PDE4D: variants seen among roughly 807,000 people sequenced by gnomAD.
PDE4D encodes phosphodiesterase 4D.
A neutral mutation model predicts 87.4 loss-of-function variants in PDE4D; 24 were observed. The ratio of observed to expected loss-of-function variants is 0.27; its 90% CI spans 0.20 to 0.39. The LOEUF is 0.39. Among genes scored for constraint, PDE4D ranks in the 10% least tolerant of loss-of-function variants. The probability of loss-of-function intolerance (pLI) is 1.00; values close to 1 mark genes in which losing one functional copy is unlikely to be tolerated. For missense variants in PDE4D, 714 were observed against 1,041.0 expected, an observed-to-expected ratio of 0.69 and a Z score of 4.32; for synonymous variants, 384 against 383.2, an observed-to-expected ratio of 1.00 and a Z score of -0.02.
At chr5:60,282,208 C>CATATATATATATATATATATATATAT (rs140298004) in intron 1 of PDE4D, among the ~76,000 whole-genome samples, 17 of 128,394 alleles carry the variant, frequency 1.3e-4, no homozygotes, top group African/African-American at 3.1e-4. Flanking sequence ...GAGAAATAAA[C>CATATATATATATATATATATATATAT]ATATATATAT....
chr5:59,257,619 G>C (rs114740786), intron 1 of PDE4D, among the ~76,000 whole-genome samples: 163 of 152,054 alleles, frequency 1.1e-3, no homozygotes, highest in African/African-American at 3.8e-3. Flanking sequence ...GCTCAGAGAG[G>C]CATTAGAACA....
At chr5:59,944,592 C>G (rs1407280633) in intron 3 of PDE4D, among the ~76,000 whole-genome samples, 1 of 151,958 alleles carries the variant, frequency 6.6e-6, no homozygotes, top group Non-Finnish European at 1.5e-5. Flanking sequence ...ACAATGGTCT[C>G]GATCTCCTGA....
intron 1 of PDE4D, among the ~76,000 whole-genome samples, chr5:59,715,884 T>C (rs925946561): frequency 6.6e-6 from 1 of 152,246 alleles, no homozygotes; most frequent in African/African-American, 2.4e-5. Flanking sequence ...ATTACTGCTG[T>C]GGCCTCTGGG....
At chr5:59,145,583 T>A (rs1353701496) in intron 5 of PDE4D, among the ~76,000 whole-genome samples, 1 of 152,192 alleles carries the variant, frequency 6.6e-6, no homozygotes, top group Admixed American at 6.5e-5. Context: ...CCTAAAGATA[T>A]AAGAAATCGA....
intron 1 of PDE4D, among the ~76,000 whole-genome samples, chr5:59,473,228 T>C (rs1283619314): frequency 6.6e-6 from 1 of 152,068 alleles, no homozygotes; most frequent in Non-Finnish European, 1.5e-5. Flanking sequence ...AATACTCTCA[T>C]AGTTTCAACT....
chr5:60,076,372 G>T (rs993809026), intron 2 of PDE4D, among the ~76,000 whole-genome samples: 6 of 152,026 alleles, frequency 3.9e-5, no homozygotes, highest in African/African-American at 1.4e-4. Flanking sequence ...GTTGGCCAGG[G>T]TGGTCTTGAT....
chr5:59,753,657 A>G (rs558628400), intron 1 of PDE4D, among the ~76,000 whole-genome samples: 1 of 152,324 alleles, frequency 6.6e-6, no homozygotes, highest in African/African-American at 2.4e-5. Flanking sequence ...GGTACTTTCA[A>G]TTAAGGTGCT....
intron 1 of PDE4D, among the ~76,000 whole-genome samples, chr5:59,507,664 CAAA>C (rs1284106865): frequency 1.3e-5 from 1 of 79,824 alleles, no homozygotes; most frequent in Admixed American, 1.3e-4. Flanking sequence ...TACCCTGTCT[CAAA>C]AAAAAAAAAA....
chr5:59,434,436 T>C (rs1002280640), intron 1 of PDE4D, among the ~76,000 whole-genome samples: 5 of 152,042 alleles, frequency 3.3e-5, no homozygotes, highest in Admixed American at 6.6e-5. Context: ...TGTTTTCTGC[T>C]CATACCTGGA....
chr5:60,009,027 G>A (rs1033415520), intron 2 of PDE4D, among the ~76,000 whole-genome samples: 1 of 151,970 alleles, frequency 6.6e-6, no homozygotes, highest in African/African-American at 2.4e-5. Context: ...TGGTGAACAG[G>A]AAATGTGAAG....
At chr5:59,277,590 G>T (rs935471333) in intron 1 of PDE4D, among the ~76,000 whole-genome samples, 1 of 152,134 alleles carries the variant, frequency 6.6e-6, no homozygotes, top group Non-Finnish European at 1.5e-5. Flanking sequence ...CTATTTATTT[G>T]AAACACTGTT....
At chr5:59,555,280 A>C (rs887440849) in intron 1 of PDE4D, among the ~76,000 whole-genome samples, 3 of 152,180 alleles carry the variant, frequency 2.0e-5, no homozygotes, top group African/African-American at 7.2e-5. Context: ...TCTCACTTGT[A>C]AGTGGGAGCT....
At chr5:59,683,460 T>C (rs150787496) in intron 1 of PDE4D, among the ~76,000 whole-genome samples, 1 of 152,350 alleles carries the variant, frequency 6.6e-6, no homozygotes, top group African/African-American at 2.4e-5. Flanking sequence ...AGTGACATTC[T>C]GGTGAATGCT....
intron 1 of PDE4D, among the ~76,000 whole-genome samples, chr5:59,759,229 A>G (rs1761669615): frequency 6.6e-6 from 1 of 152,148 alleles, no homozygotes; most frequent in African/African-American, 2.4e-5. Flanking sequence ...ATTTACACAA[A>G]GAATATTTTT....
chr5:59,258,639 T>C (rs756679410), intron 1 of PDE4D, among the ~76,000 whole-genome samples: 11 of 149,294 alleles, frequency 7.4e-5, no homozygotes, highest in Non-Finnish European at 1.3e-4. Flanking sequence ...CTGAGATACA[T>C]TGTTATATCA....
intron 1 of PDE4D, among the ~76,000 whole-genome samples, chr5:60,470,772 T>C (rs1444465357): frequency 6.6e-6 from 1 of 152,112 alleles, no homozygotes; most frequent in Non-Finnish European, 1.5e-5. Flanking sequence ...TCTGTTGAGA[T>C]CTACTGCTCC....
At chr5:59,729,576 A>G (rs1444999806) in intron 1 of PDE4D, among the ~76,000 whole-genome samples, 5 of 152,080 alleles carry the variant, frequency 3.3e-5, no homozygotes, top group Non-Finnish European at 7.4e-5. Context: ...CCAGAAACAG[A>G]TGAGGTCTGT....
chr5:60,066,622 CAT>C (rs1772130277), intron 2 of PDE4D, among the ~76,000 whole-genome samples: 1 of 151,588 alleles, frequency 6.6e-6, no homozygotes, highest in Admixed American at 6.6e-5. Flanking sequence ...TCATCATCAT[CAT>C]CATCTCAGGA....
chr5:60,261,631 G>C (rs1749653441), intron 1 of PDE4D, among the ~76,000 whole-genome samples: 1 of 152,084 alleles, frequency 6.6e-6, no homozygotes, highest in African/African-American at 2.4e-5. Flanking sequence ...GAAAGAAAGA[G>C]GTGGGCTGAG....
Sources: gnomAD v4.1 joint callset for allele counts (sites outside exome capture counted in the v4.1 genomes callset) on GRCh38, gnomAD v4.1.1 for gene constraint, MANE v1.5 for transcripts, NCBI Gene and HGNC (gene_info 2026-07-23, HGNC 2026-07-21) for gene names.